Variants in FGD2 observed in about 807,000 individuals in gnomAD.
FGD2 encodes FYVE, RhoGEF and PH domain-containing protein 2.
A neutral mutation model predicts 75.9 loss-of-function variants in FGD2; 52 were observed. The ratio of observed to expected loss-of-function variants is 0.69; its 90% CI spans 0.55 to 0.86. The LOEUF (loss-of-function observed/expected upper bound fraction) is 0.86, where lower values mean the gene tolerates loss of function less well. Ranked by LOEUF, FGD2 falls within the 40% of genes least tolerant of loss-of-function variation. The pLI is 0.00. For synonymous variants in FGD2, 347 were observed against 348.6 expected (o/e 1.00, Z 0.05); for missense variants, 790 against 872.0 (o/e 0.91, Z 1.18).
chr6:37,006,010 C>A, intron 1 of FGD2, 125 bp downstream of exon 1: 1 of 1,067,264 alleles, frequency 9.4e-7, no homozygotes, highest in African/African-American at 1.6e-5. Context: ...CCGCGTTCCT[C>A]GGTCACGGAT....
chr6:37,005,687 T>C lies in FGD2; in HGVS notation c.-131T>C. On this transcript the variant is annotated 5_prime_UTR_variant, in exon 1 of 16. Transcript: ENST00000274963. Reference sequence around the variant, plus strand: ...AGCCAAGAGCCGACCTTCTGAGCCCTCAAGAAAGATCAGAACAGATTCATG... The same window carrying C: ...AGCCAAGAGCCGACCTTCTGAGCCCCCAAGAAAGATCAGAACAGATTCATG... 1 of 990,824 alleles carries C rather than the reference T, an allele frequency of 1.0e-6. No homozygotes were observed. Among genetic ancestry groups the C allele is most frequent in the South Asian group, 1.5e-5 (1 of 68,730 alleles). 61.4% of individuals were successfully genotyped at this position (990,824 alleles called of 1,614,324 possible). A position where few individuals can be genotyped will look rare whatever the true frequency, so the allele number is the denominator to read the frequency against.
chr6:37,015,662 C>A, intron 8 of FGD2, 106 bp from the exon 9 acceptor site: 2 of 963,294 alleles, frequency 2.1e-6, no homozygotes, highest in Non-Finnish European at 1.6e-6. Flanking sequence ...CAAAGGGGAG[C>A]GGGTCCAGTG....
At position 37,026,062 on chromosome 6, in the gene FGD2, C is replaced by G. The variant is rs575014154; in HGVS notation, c.1605+124C>G. 5.1e-4 allele frequency: 751 copies of G among 1,473,484 alleles called. 5 individuals carry two copies. In the African/African-American group the frequency reaches 9.3e-3, roughly 18 times the overall value. The allele number at this position is 1,473,484 out of a possible 1,614,324, so 91.3% of individuals were successfully genotyped here. A position where few individuals can be genotyped will look rare whatever the true frequency, so the allele number is the denominator to read the frequency against. Reference sequence around the variant, plus strand: ...AGCCAGCCATGGTCACACCCTCCCCCCTCTCCCTCTTCCTCTCTCTGCCCA... The same window carrying G: ...AGCCAGCCATGGTCACACCCTCCCCGCTCTCCCTCTTCCTCTCTCTGCCCA... On this transcript the variant is annotated intron_variant, in intron 14 of 15. Coordinates refer to ENST00000274963, the MANE Select transcript of FGD2 (RefSeq NM_173558.4).
chr6:37,017,114 T>C (rs1427524714), intron 9 of FGD2, among the ~76,000 whole-genome samples: 1 of 152,152 alleles, frequency 6.6e-6, no homozygotes, highest in Non-Finnish European at 1.5e-5. Context: ...CTTTTTTTTT[T>C]TTAACTAACT....
chr6:37,015,543 G>A (rs1242131058), intron 8 of FGD2, among the ~76,000 whole-genome samples: 1 of 152,148 alleles, frequency 6.6e-6, no homozygotes, highest in Non-Finnish European at 1.5e-5. Flanking sequence ...TCCCTTGTAG[G>A]GTGACCCTTC....
In FGD2 at chr6:37,020,750, G is replaced by T; in HGVS notation, c.1233+11G>T. The T allele has an allele frequency of 1.9e-6, 3 of 1,562,588 alleles. No homozygotes were observed. The highest frequency in any genetic ancestry group is 2.4e-5 in the South Asian group (2 of 85,034). On this transcript the variant is annotated intron_variant, in intron 11 of 15. Transcript: ENST00000274963. The stretch of plus-strand genomic sequence containing the variant: ...ATTTCCTGGATGCAGGTATGGGAAC[G>T]CTCCGAGGCTTCTGGGAGTCTTTTT...
chr6:37,007,415 A>C (rs563956436), intron 1 of FGD2, among the ~76,000 whole-genome samples: 73 of 152,260 alleles, frequency 4.8e-4, no homozygotes, highest in Middle Eastern at 6.8e-3. Flanking sequence ...TTCCTGGCCC[A>C]CCACCCCCTT....
chr6:37,015,043 G>A lies in FGD2; in HGVS notation c.1029+5G>A, dbSNP rs1338847148. ...ATGGAGCGCTACCTTTTCTTGGTAA[G>A]AGGGTGCTGGGAGCTCCTCTCCACA... On this transcript the variant is annotated splice_donor_5th_base_variant and intron_variant, in intron 8 of 15. Transcript: ENST00000274963. The A allele has an allele frequency of 1.2e-6, 2 of 1,611,658 alleles. No homozygotes were observed. Among genetic ancestry groups the A allele is most frequent in the Admixed American group, 1.7e-5 (1 of 59,818 alleles).
At chr6:37,013,581 G>A in intron 4 of FGD2, 28 bp from the exon 5 acceptor site, 1 of 1,607,336 alleles carries the variant, frequency 6.2e-7, no homozygotes, top group Non-Finnish European at 8.5e-7. Context: ...TCTCTAGGCT[G>A]AGGGCAATCC....
chr6:37,011,956 C>T (rs1010634636), intron 4 of FGD2, 102 bp downstream of exon 4: 74 of 1,348,544 alleles, frequency 5.5e-5, no homozygotes, highest in Non-Finnish European at 5.0e-5. Context: ...GGCCCAGGCC[C>T]TTATTGTGTG....
In FGD2 at chr6:37,027,509, C is replaced by T. The variant is rs61753293; in HGVS notation, c.1686C>T (p.Gly562=). 3.3e-5 allele frequency: 53 copies of T among 1,613,754 alleles called. No homozygotes were observed. Among genetic ancestry groups the T allele is most frequent in the Non-Finnish European group, 4.2e-5 (49 of 1,179,884 alleles). The change falls in exon 15 of 16, where the codon GGC becomes GGT. Residue 562 remains glycine (G), a synonymous_variant. Transcript: ENST00000274963. ...QLIGDKWGKS[G]PRGWCVIPRD... ...TCGGGGACAAGTGGGGCAAGAGCGG[C>T]CCCCGGGGCTGGTGTGTGATCCCTC...
chr6:37,025,839 C>A lies in FGD2; in HGVS notation c.1506C>A (p.Asp502Glu). The A allele has an allele frequency of 6.2e-7, 1 of 1,614,180 alleles. No individual in the cohort carries two copies. The highest frequency in any genetic ancestry group is 8.5e-7 in the Non-Finnish European group (1 of 1,180,032). ...CSDYRAELKY[D>E]DNRPNRVCLH... ...ACTACCGGGCCGAACTGAAATACGA[C>A]GACAACAGGCCCAACCGAGTCTGCC... The change falls in exon 14 of 16, where the codon GAC becomes GAA. Residue 502 changes from aspartate to glutamate, a missense_variant. Coordinates refer to ENST00000274963, the MANE Select transcript of FGD2 (RefSeq NM_173558.4).
rs748087766 is a variant in FGD2 at position 37,020,576 on chromosome 6, C to A, written c.1158C>A (p.Ser386=). The change falls in exon 10 of 16, where the codon TCC becomes TCA. Residue 386 remains serine (S), a synonymous_variant. Coordinates refer to ENST00000274963, the MANE Select transcript of FGD2 (RefSeq NM_173558.4). The part of the protein sequence containing the change: ...RELMDAEFPH[S]FLVSGKQRTL... ...TGATGGATGCTGAGTTTCCCCACTC[C>A]TTCCTGGTGTCCGGGAAGCAGCGCA... 6.2e-6 allele frequency: 10 copies of A among 1,609,188 alleles called. No individual in the cohort carries two copies. The South Asian group carries it at 8.9e-5, about 14-fold the overall frequency.
chr6:37,017,248 CTT>C (rs1205354881), intron 9 of FGD2, among the ~76,000 whole-genome samples: 2 of 152,214 alleles, frequency 1.3e-5, no homozygotes, highest in Non-Finnish European at 2.9e-5. Context: ...CTGAGAGACA[CTT>C]AGATTGTTTT....
chr6:37,021,156 G>A (rs557967594), intron 11 of FGD2, among the ~76,000 whole-genome samples: 13 of 151,470 alleles, frequency 8.6e-5, no homozygotes, highest in Admixed American at 2.6e-4. Context: ...GTGTGCGTGC[G>A]TGTGTGTGTG....
At chr6:37,027,614 C>A (rs201103596) in intron 15 of FGD2, 39 bp downstream of exon 15, 2 of 1,611,548 alleles carry the variant, frequency 1.2e-6, no homozygotes, top group Non-Finnish European at 1.7e-6. Context: ...CAGGCCCTGG[C>A]CTTCCCACAG....
intron 6 of FGD2, 159 bp from the exon 7 acceptor site, chr6:37,014,487 C>G: frequency 1.3e-6 from 1 of 792,584 alleles, no homozygotes; most frequent in Non-Finnish European, 2.0e-6. Context: ...GGGGGGCTCC[C>G]GCCATTCAGA....
At chr6:37,008,186 C>T (rs969219064) in intron 1 of FGD2, among the ~76,000 whole-genome samples, 1 of 152,210 alleles carries the variant, frequency 6.6e-6, no homozygotes, top group African/African-American at 2.4e-5. Context: ...GTTCTGTCAT[C>T]ACAAGCCCTT....
At position 37,020,620 on chromosome 6, in the gene FGD2, G is replaced by T; in HGVS notation, c.1202G>T (p.Arg401Leu). 1.2e-6 allele frequency: 2 copies of T among 1,600,766 alleles called. No homozygotes were observed. The highest frequency in any genetic ancestry group is 1.7e-6 in the Non-Finnish European group (2 of 1,173,698). The change falls in exon 10 of 16, where the codon CGG becomes CTG. Residue 401 changes from arginine (R) to leucine (L), a missense_variant and splice_region_variant. Transcript: ENST00000274963. ...CAGCGCACCCTGGAGCTGCAAGCCCGGTAAAGGAGCTGGGGTGGCGGCCCA... is the reference window on the plus strand; with the variant it reads ...CAGCGCACCCTGGAGCTGCAAGCCCTGTAAAGGAGCTGGGGTGGCGGCCCA... ...GKQRTLELQARSQEEMISWMQ... is the reference protein window; with the variant it reads ...GKQRTLELQALSQEEMISWMQ...
Sources: allele counts gnomAD v4.1 joint callset (sites outside exome capture counted in the v4.1 genomes callset), GRCh38; gene constraint gnomAD v4.1.1; transcripts MANE v1.5; gene names NCBI Gene and HGNC (gene_info 2026-07-23, HGNC 2026-07-21).